The following MAGI2 variants were observed in gnomAD, a reference collection of about 807,000 sequenced individuals.
MAGI2 encodes membrane associated guanylate kinase, WW and PDZ domain containing 2, also known as membrane-associated guanylate kinase, WW and PDZ domain-containing protein 2.
A neutral mutation model predicts 133.3 loss-of-function variants in MAGI2; 35 were observed. The observed-to-expected ratio is 0.26, with a 90% confidence interval of 0.20 to 0.35. The LOEUF is 0.35. Among genes scored for constraint, MAGI2 ranks in the 10% least tolerant of loss-of-function variants. MAGI2 has a pLI of 1.00. For missense variants in MAGI2, 1,636 were observed against 1,863.4 expected (o/e 0.88, Z 2.25); for synonymous variants, 729 against 710.6 (o/e 1.03, Z -0.41).
intron 2 of MAGI2, among the ~76,000 whole-genome samples, chr7:78,854,561 C>T (rs1448039373): frequency 6.6e-5 from 10 of 151,750 alleles, no homozygotes; most frequent in Admixed American, 6.6e-4. Context: ...GTAACAACAG[C>T]CGTTATAATT....
intron 10 of MAGI2, among the ~76,000 whole-genome samples, chr7:78,218,542 T>C (rs1324945306): frequency 6.6e-6 from 1 of 152,234 alleles, no homozygotes; most frequent in Non-Finnish European, 1.5e-5. Flanking sequence ...TTCAGCTGAA[T>C]TGAATTCAAT....
At chr7:78,158,167 A>G (rs1317951014) in intron 16 of MAGI2, 2 of 152,152 alleles carry the variant, frequency 1.3e-5, no homozygotes, top group Non-Finnish European at 2.9e-5. Flanking sequence ...AAACTCCCAC[A>G]GTTTATAAGA....
At chr7:78,471,936 A>G (rs1001897335) in intron 6 of MAGI2, among the ~76,000 whole-genome samples, 1 of 151,904 alleles carries the variant, frequency 6.6e-6, no homozygotes, top group African/African-American at 2.4e-5. Flanking sequence ...AAAAAAAAAA[A>G]GTAAGGGGAA....
rs1177002723 is a variant in MAGI2, at chr7:78,941,659, A to G, written c.418+65431T>C. ...CTGATAATTTCTAATCTTTTAGACTACTATATCCCAGGGAAAAACCTCTCA... is the reference window on the plus strand; with the variant it reads ...CTGATAATTTCTAATCTTTTAGACTGCTATATCCCAGGGAAAAACCTCTCA... On this transcript the variant is annotated intron_variant, in intron 2 of 21. Coordinates refer to ENST00000354212, the MANE Select transcript of MAGI2 (RefSeq NM_012301.4). Among the ~76,000 whole-genome samples the G allele has an allele frequency of 2.0e-5, 3 of 150,832 alleles. No homozygotes were observed. The East Asian group carries it at 5.9e-4, about 30-fold the overall frequency.
chr7:78,868,579 A>G (rs1794770548), intron 2 of MAGI2, among the ~76,000 whole-genome samples: 1 of 152,224 alleles, frequency 6.6e-6, no homozygotes, highest in Non-Finnish European at 1.5e-5. Context: ...GATATTGTGT[A>G]AAATTTATGA....
chr7:78,219,612 A>G (rs1788610995), intron 10 of MAGI2, among the ~76,000 whole-genome samples: 2 of 152,156 alleles, frequency 1.3e-5, no homozygotes, highest in South Asian at 4.1e-4. Flanking sequence ...TACACTGACT[A>G]TTCTACAGGG....
chr7:78,029,629 G>C (rs973295517), intron 21 of MAGI2, among the ~76,000 whole-genome samples: 1 of 152,244 alleles, frequency 6.6e-6, no homozygotes, highest in African/African-American at 2.4e-5. Flanking sequence ...GATGCTCCAG[G>C]CTCTAACAGA....
At chr7:79,254,949 A>C (rs1349949632) in intron 1 of MAGI2, among the ~76,000 whole-genome samples, 4 of 152,192 alleles carry the variant, frequency 2.6e-5, no homozygotes, top group African/African-American at 9.6e-5. Context: ...CACTAGAACA[A>C]GGATTCTCTC....
chr7:78,923,616 G>A (rs1799440957), intron 2 of MAGI2, among the ~76,000 whole-genome samples: 1 of 152,184 alleles, frequency 6.6e-6, no homozygotes, highest in Non-Finnish European at 1.5e-5. Context: ...ATAGTTTGAA[G>A]TCAGGTAGCG....
At chr7:78,924,737 T>C (rs1267856476) in intron 2 of MAGI2, among the ~76,000 whole-genome samples, 1 of 152,078 alleles carries the variant, frequency 6.6e-6, no homozygotes, top group Admixed American at 6.6e-5. Flanking sequence ...TTCCCTGTTC[T>C]AGGATCAGTG....
At chr7:78,231,576 G>A (rs1789977229) in intron 10 of MAGI2, among the ~76,000 whole-genome samples, 1 of 152,132 alleles carries the variant, frequency 6.6e-6, no homozygotes, top group Non-Finnish European at 1.5e-5. Flanking sequence ...GTCCCTAAAG[G>A]TTTTTTTAAA....
At chr7:78,878,931 G>T (rs1319968632) in intron 2 of MAGI2, among the ~76,000 whole-genome samples, 1 of 152,144 alleles carries the variant, frequency 6.6e-6, no homozygotes, top group African/African-American at 2.4e-5. Context: ...TAAATCACCT[G>T]TTCATCTGGA....
chr7:78,713,929 C>T (rs1044312317), intron 2 of MAGI2, among the ~76,000 whole-genome samples: 156 of 152,104 alleles, frequency 1.0e-3, no homozygotes, highest in Non-Finnish European at 4.3e-4. Flanking sequence ...AGTTTGTACT[C>T]TCCTTGTGCT....
chr7:79,077,777 T>G (rs1284911890), intron 1 of MAGI2, among the ~76,000 whole-genome samples: 1 of 151,954 alleles, frequency 6.6e-6, no homozygotes, highest in African/African-American at 2.4e-5. Context: ...AAAATAAATT[T>G]TAATGGTTAC....
intron 21 of MAGI2, among the ~76,000 whole-genome samples, chr7:78,069,300 C>T (rs1814194323): frequency 6.6e-6 from 1 of 152,080 alleles, no homozygotes; most frequent in African/African-American, 2.4e-5. Context: ...CCGGCAATCC[C>T]CAGGATATAT....
At chr7:79,272,338 T>C (rs921397028) in intron 1 of MAGI2, among the ~76,000 whole-genome samples, 1 of 152,148 alleles carries the variant, frequency 6.6e-6, no homozygotes, top group African/African-American at 2.4e-5. Context: ...GTGGAATATA[T>C]TTTATGTATA....
In MAGI2 at chr7:78,457,609, G is replaced by T. The variant is rs116136453; in HGVS notation, c.1045+32152C>A. ...GATAGTCCATGTTCTTTTAATAAAA[G>T]TAATAAAAAGGAGAAAGGGAGAGAA... On this transcript the variant is annotated intron_variant, in intron 6 of 21. Transcript: ENST00000354212. 6.2e-3 allele frequency among the ~76,000 whole-genome samples: 940 copies of T among 152,208 alleles called. 11 individuals are homozygous for T. The highest frequency in any genetic ancestry group is 0.02 in the Middle Eastern group (6 of 294).
intron 6 of MAGI2, among the ~76,000 whole-genome samples, chr7:78,458,023 C>A (rs549644454): frequency 6.6e-6 from 1 of 152,024 alleles, no homozygotes; most frequent in Non-Finnish European, 1.5e-5. Flanking sequence ...GTAGGCTGGG[C>A]GTGGTGGCTA....
chr7:79,384,627 G>T (rs1316697093), intron 1 of MAGI2, among the ~76,000 whole-genome samples: 1 of 151,470 alleles, frequency 6.6e-6, no homozygotes, highest in African/African-American at 2.4e-5. Context: ...TTCACTTGTG[G>T]TGATGGTTTC....
Sources: allele counts gnomAD v4.1 joint callset (sites outside exome capture counted in the v4.1 genomes callset), GRCh38; gene constraint gnomAD v4.1.1; transcripts MANE v1.5; gene names NCBI Gene and HGNC (gene_info 2026-07-23, HGNC 2026-07-21).